PAPPA2: variants seen among roughly 807,000 people sequenced by gnomAD.
PAPPA2 encodes the protein pappalysin 2, also known as pappalysin-2.
Under a neutral mutation model 176.4 loss-of-function variants are expected in PAPPA2, and 86 were observed. The observed-to-expected ratio is 0.49, with a 90% CI of 0.41 to 0.58. The LOEUF is 0.58. PAPPA2 is among the 20% of genes least tolerant of loss of function. The pLI is 0.00. For missense variants in PAPPA2, 2,073 were observed against 2,256.9 expected (o/e 0.92, Z 1.65); for synonymous variants, 809 against 852.2 (o/e 0.95, Z 0.88).
rs970323998 is a variant in PAPPA2 at position 176,600,537 on chromosome 1, G to A, written c.1991+4942G>A. Among the ~76,000 whole-genome samples the A allele has an allele frequency of 3.0e-4, 46 of 151,582 alleles. 1 individual carries two copies. In the Middle Eastern group the frequency reaches 0.01, roughly 34 times the overall value. ...TAAAAATACAAAAAATTAGCCGGGC[G>A]TGGTAGCGGGCGCCTGTAGTCCCAG... On this transcript the variant is annotated intron_variant, in intron 3 of 22. Transcript: ENST00000367662.
At chr1:176,755,353 C>T (rs925782023) in intron 14 of PAPPA2, among the ~76,000 whole-genome samples, 1 of 152,156 alleles carries the variant, frequency 6.6e-6, no homozygotes, top group African/African-American at 2.4e-5. Flanking sequence ...TTAGCCGTAG[C>T]TTATGTATAG....
intron 17 of PAPPA2, among the ~76,000 whole-genome samples, chr1:176,787,921 G>A (rs538832256): frequency 4.6e-5 from 7 of 152,120 alleles, no homozygotes; most frequent in African/African-American, 9.6e-5. Context: ...TTAGCCAGGT[G>A]TGGTGGCACG....
chr1:176,541,400 T>G (rs1270876390), intron 1 of PAPPA2, among the ~76,000 whole-genome samples: 2 of 152,224 alleles, frequency 1.3e-5, no homozygotes, highest in Non-Finnish European at 2.9e-5. Context: ...GGGGAAGTAC[T>G]GTCCCATAGG....
intron 4 of PAPPA2, among the ~76,000 whole-genome samples, chr1:176,677,883 C>T (rs1402914087): frequency 6.6e-6 from 1 of 152,100 alleles, no homozygotes; most frequent in Non-Finnish European, 1.5e-5. Flanking sequence ...AACAGTCTGC[C>T]CTTAAGGGGT....
At chr1:176,480,341 A>G (rs1228941384) in intron 1 of PAPPA2, among the ~76,000 whole-genome samples, 1 of 152,146 alleles carries the variant, frequency 6.6e-6, no homozygotes, top group African/African-American at 2.4e-5. Context: ...GGGCCGCTCC[A>G]TGGCTTTTGG....
At chr1:176,565,364 A>G (rs1185151981) in intron 2 of PAPPA2, among the ~76,000 whole-genome samples, 1 of 152,156 alleles carries the variant, frequency 6.6e-6, no homozygotes, top group Non-Finnish European at 1.5e-5. Context: ...ATCCTCATGA[A>G]TGCATGGAGG....
intron 1 of PAPPA2, among the ~76,000 whole-genome samples, chr1:176,535,525 T>C (rs1488790075): frequency 6.6e-6 from 1 of 152,104 alleles, no homozygotes; most frequent in African/African-American, 2.4e-5. Context: ...TAAAGGCACA[T>C]GAGAGATGTG....
chr1:176,679,853 A>G lies in PAPPA2; in HGVS notation c.2137+8738A>G, dbSNP rs145662220. Among the ~76,000 whole-genome samples, 630 of 152,340 alleles carry G rather than the reference A, an allele frequency of 4.1e-3. 6 individuals are homozygous for G. Among genetic ancestry groups the G allele is most frequent in the Non-Finnish European group, 7.6e-3 (514 of 68,032 alleles). On this transcript the variant is annotated intron_variant, in intron 4 of 22. Coordinates refer to ENST00000367662, the MANE Select transcript of PAPPA2 (RefSeq NM_020318.3). Reference sequence around the variant, plus strand: ...AGTGAAAGGAGAGTGGTTGAGTTGCATAAATAGAGATGTACTGGAGTTGAG... The same window carrying G: ...AGTGAAAGGAGAGTGGTTGAGTTGCGTAAATAGAGATGTACTGGAGTTGAG...
intron 2 of PAPPA2, among the ~76,000 whole-genome samples, chr1:176,569,355 A>C (rs1652181552): frequency 6.6e-6 from 1 of 152,108 alleles, no homozygotes; most frequent in Non-Finnish European, 1.5e-5. Context: ...ACTCCCCGAA[A>C]CCACATGCAC....
At chr1:176,721,708 G>A (rs1285335331) in intron 12 of PAPPA2, among the ~76,000 whole-genome samples, 1 of 151,854 alleles carries the variant, frequency 6.6e-6, no homozygotes, top group Non-Finnish European at 1.5e-5. Flanking sequence ...TCTGTCTTTT[G>A]TCTTCAACAG....
intron 22 of PAPPA2, among the ~76,000 whole-genome samples, 178 bp from the exon 23 acceptor site, chr1:176,842,202 T>A (rs12089189): frequency 0.071 from 10,765 of 152,252 alleles, 798 homozygotes; most frequent in African/African-American, 0.19. Context: ...TTACCTTGCC[T>A]AAGGCTACAT....
intron 21 of PAPPA2, among the ~76,000 whole-genome samples, chr1:176,809,034 G>C (rs531896006): frequency 1.3e-5 from 2 of 152,172 alleles, no homozygotes; most frequent in South Asian, 4.1e-4. Flanking sequence ...CTTTATACAA[G>C]GTTATAAAGG....
chr1:176,485,581 A>T (rs958665270), intron 1 of PAPPA2, among the ~76,000 whole-genome samples: 2 of 151,492 alleles, frequency 1.3e-5, no homozygotes, highest in African/African-American at 4.9e-5. Flanking sequence ...AGCACTTACC[A>T]CTCCTGGCAT....
intron 12 of PAPPA2, among the ~76,000 whole-genome samples, chr1:176,732,996 G>A (rs539631191): frequency 1.3e-5 from 2 of 152,226 alleles, no homozygotes; most frequent in African/African-American, 4.8e-5. Flanking sequence ...GTGCTCATAG[G>A]AGAGCAAACC....
At chr1:176,773,497 G>A (rs776507751) in intron 17 of PAPPA2, among the ~76,000 whole-genome samples, 1 of 151,844 alleles carries the variant, frequency 6.6e-6, no homozygotes, top group African/African-American at 2.4e-5. Flanking sequence ...CTACTGTACA[G>A]TGTAGTAAAA....
At chr1:176,714,764 C>T (rs1048087563) in intron 12 of PAPPA2, among the ~76,000 whole-genome samples, 5 of 152,200 alleles carry the variant, frequency 3.3e-5, no homozygotes, top group African/African-American at 1.2e-4. Flanking sequence ...CTAGAAAACA[C>T]CTCTTGTATC....
chr1:176,789,741 G>A lies in PAPPA2; in HGVS notation c.4716-68G>A, dbSNP rs1176410737. ...TTGCTAATTCTTATGCCATATTGCT[G>A]AGGATCAAGTCTTTCATGACCTTCT... is the stretch of plus-strand genomic sequence containing the variant. On this transcript the variant is annotated intron_variant, in intron 17 of 22. Transcript: ENST00000367662. 2.0e-6 allele frequency: 3 copies of A among 1,523,848 alleles called. No homozygotes were observed. In the Admixed American group the frequency reaches 5.9e-5, roughly 30 times the overall value. The allele number at this position is 1,523,848 out of a possible 1,614,324, so 94.4% of individuals were successfully genotyped here.
intron 1 of PAPPA2, among the ~76,000 whole-genome samples, chr1:176,546,694 G>C (rs187664007): frequency 3.9e-5 from 6 of 152,268 alleles, no homozygotes; most frequent in Admixed American, 3.9e-4. Context: ...CTAAGAATTG[G>C]TTTGGATGAA....
chr1:176,556,036 A>G lies in PAPPA2; in HGVS notation c.-287A>G, dbSNP rs1242183683. On this transcript the variant is annotated 5_prime_UTR_variant, in exon 2 of 23. Transcript: ENST00000367662. ...AATTCAAAGGAACCAAGAGAAATTA[A>G]CTTCGTTCTGCAAGGACTAAAGTAC... is the stretch of plus-strand genomic sequence containing the variant. The G allele has an allele frequency of 5.8e-6, 2 of 345,302 alleles. No homozygotes were observed. Among genetic ancestry groups the G allele is most frequent in the Non-Finnish European group, 1.0e-5 (2 of 191,096 alleles). 21.4% of individuals were successfully genotyped at this position (345,302 alleles called of 1,614,324 possible). A position where few individuals can be genotyped will look rare whatever the true frequency, so the allele number is the denominator to read the frequency against.
Sources: gnomAD v4.1 joint callset for allele counts (sites outside exome capture counted in the v4.1 genomes callset) on GRCh38, gnomAD v4.1.1 for gene constraint, MANE v1.5 for transcripts, NCBI Gene and HGNC (gene_info 2026-07-23, HGNC 2026-07-21) for gene names.